CREB5: variants seen among roughly 807,000 people sequenced by gnomAD.
CREB5 encodes the protein cAMP responsive element binding protein 5.
Under a neutral mutation model 57.1 loss-of-function variants are expected in CREB5, and 19 were observed. That is an observed-to-expected ratio of 0.33 (90% CI 0.23 to 0.49). The LOEUF is 0.49. Ranked by LOEUF, CREB5 falls within the 20% of genes least tolerant of loss-of-function variation. The pLI, the probability that CREB5 is intolerant of heterozygous loss-of-function variation, is 0.99. For missense variants in CREB5, 579 were observed against 671.6 expected (o/e 0.86, Z 1.52); for synonymous variants, 238 against 238.3 (o/e 1.00, Z 0.01).
intron 5 of CREB5, among the ~76,000 whole-genome samples, chr7:28,582,522 G>A (rs998273259): frequency 7.2e-5 from 11 of 152,154 alleles, no homozygotes; most frequent in Non-Finnish European, 1.5e-4. Context: ...TCCATGAAAA[G>A]CATTTGATCC....
chr7:28,374,430 A>G (rs1786781246), intron 1 of CREB5, among the ~76,000 whole-genome samples: 1 of 152,234 alleles, frequency 6.6e-6, no homozygotes, highest in African/African-American at 2.4e-5. Context: ...CAAACTGAAA[A>G]CAAACCAAAC....
intron 4 of CREB5, among the ~76,000 whole-genome samples, chr7:28,532,548 G>A (rs1297997134): frequency 6.6e-6 from 1 of 152,222 alleles, no homozygotes; most frequent in East Asian, 1.9e-4. Context: ...GAGGGAAAGA[G>A]TCCCAGACCA....
At chr7:28,737,538 CGTATATATATATATATATAT>C (rs755542768) in intron 7 of CREB5, among the ~76,000 whole-genome samples, 3,426 of 47,870 alleles carry the variant, frequency 0.072, 109 homozygotes, top group Admixed American at 0.099. Flanking sequence ...TATATATATA[CGTATATATATATATATATAT>C]ATATATATAT....
chr7:28,498,061 T>G (rs1465045243), intron 3 of CREB5, among the ~76,000 whole-genome samples: 1 of 152,198 alleles, frequency 6.6e-6, no homozygotes, highest in Non-Finnish European at 1.5e-5. Context: ...TTATGTGATA[T>G]TATAATACTT....
At chr7:28,555,072 T>C (rs889709245) in intron 4 of CREB5, among the ~76,000 whole-genome samples, 4 of 150,558 alleles carry the variant, frequency 2.7e-5, no homozygotes, top group Admixed American at 2.0e-4. Flanking sequence ...CTCAGCACAC[T>C]AGAGGTCTTC....
At chr7:28,388,806 G>T (rs944826815) in intron 1 of CREB5, among the ~76,000 whole-genome samples, 14 of 152,254 alleles carry the variant, frequency 9.2e-5, no homozygotes, top group African/African-American at 3.4e-4. Flanking sequence ...TAACTCTTGA[G>T]GTATCTCTGA....
intron 4 of CREB5, among the ~76,000 whole-genome samples, chr7:28,560,823 CGCGCGCGCGCGTGTGT>C (rs1795080876): frequency 2.9e-5 from 1 of 34,452 alleles, no homozygotes; most frequent in African/African-American, 9.6e-5. Context: ...TGTGTGTGTG[CGCGCGCGCGCGTGTGT>C]GTGTGCGCGT....
At chr7:28,712,972 A>G (rs1315243148) in intron 5 of CREB5, among the ~76,000 whole-genome samples, 1 of 152,232 alleles carries the variant, frequency 6.6e-6, no homozygotes, top group Non-Finnish European at 1.5e-5. Context: ...GACAAAAAAA[A>G]GAAAAAAGTA....
At chr7:28,398,060 T>A (rs911074771) in intron 1 of CREB5, among the ~76,000 whole-genome samples, 3 of 152,206 alleles carry the variant, frequency 2.0e-5, no homozygotes, top group African/African-American at 7.2e-5. Context: ...TATTTTCATA[T>A]TCCCAAAGAG....
At chr7:28,512,018 T>C (rs1173143559) in intron 4 of CREB5, among the ~76,000 whole-genome samples, 1 of 152,170 alleles carries the variant, frequency 6.6e-6, no homozygotes, top group African/African-American at 2.4e-5. Context: ...GATTTGCTGA[T>C]GGTTTAGATT....
intron 1 of CREB5, among the ~76,000 whole-genome samples, chr7:28,367,820 C>A (rs1410783142): frequency 1.2e-4 from 18 of 151,918 alleles, no homozygotes; most frequent in Middle Eastern, 3.4e-3. Flanking sequence ...AACAAACAAA[C>A]AGACAAACAA....
chr7:28,378,406 A>T (rs1004463869), intron 1 of CREB5, among the ~76,000 whole-genome samples: 1 of 152,050 alleles, frequency 6.6e-6, no homozygotes, highest in Non-Finnish European at 1.5e-5. Context: ...ACAAAACTAC[A>T]CGTTGTACAT....
intron 10 of CREB5, chr7:28,818,806 A>G (rs1244482937): frequency 6.0e-6 from 3 of 496,208 alleles, no homozygotes; most frequent in Non-Finnish European, 1.2e-5. Flanking sequence ...ATTTTTCCAC[A>G]TTTGATATAC....
At chr7:28,635,126 A>C (rs1480106648) in intron 5 of CREB5, among the ~76,000 whole-genome samples, 2 of 152,186 alleles carry the variant, frequency 1.3e-5, no homozygotes, top group African/African-American at 4.8e-5. Flanking sequence ...TTAGTAGAGA[A>C]GCTAGGAGGC....
chr7:28,444,385 T>C (rs759657678), intron 1 of CREB5, among the ~76,000 whole-genome samples: 1 of 152,104 alleles, frequency 6.6e-6, no homozygotes, highest in Non-Finnish European at 1.5e-5. Flanking sequence ...TTTCTCAACA[T>C]GGCCCAACTC....
In CREB5 at chr7:28,560,959, T is replaced by TGCGTGTGTGTGTGCGTGTGTGC. The variant is rs1795214944; in HGVS notation, c.292-9404_292-9383dup. 9.3e-5 allele frequency among the ~76,000 whole-genome samples: 3 copies of TGCGTGTGTGTGTGCGTGTGTGC among 32,128 alleles called. 1 individual carries two copies. Among genetic ancestry groups the TGCGTGTGTGTGTGCGTGTGTGC allele is most frequent in the Non-Finnish European group, 1.8e-4 (3 of 16,370 alleles). 21.1% of individuals were successfully genotyped at this position (32,128 alleles called of 152,430 possible). A position where few individuals can be genotyped will look rare whatever the true frequency, so the allele number is the denominator to read the frequency against. Reference sequence around the variant, plus strand: ...GTGCGTGCGTGTGTGTGCGTGTGTGTGCGTGTGTGTGTGCGTGTGTGCGTG... The same window carrying TGCGTGTGTGTGTGCGTGTGTGC: ...GTGCGTGCGTGTGTGTGCGTGTGTGTGCGTGTGTGTGTGCGTGTGTGCGCGTGTGTGTGTGCGTGTGTGCGTG... On this transcript the variant is annotated intron_variant, in intron 4 of 10. Transcript: ENST00000357727.
At chr7:28,636,388 A>G (rs1415154060) in intron 5 of CREB5, among the ~76,000 whole-genome samples, 2 of 152,176 alleles carry the variant, frequency 1.3e-5, no homozygotes, top group African/African-American at 4.8e-5. Context: ...TATCAACACC[A>G]TGGTACTGAT....
chr7:28,685,230 T>C (rs1216032816), intron 5 of CREB5, among the ~76,000 whole-genome samples: 2 of 152,200 alleles, frequency 1.3e-5, no homozygotes, highest in African/African-American at 4.8e-5. Context: ...AAGGTTCACC[T>C]GAGGGTGGAG....
intron 5 of CREB5, among the ~76,000 whole-genome samples, chr7:28,701,089 A>C (rs1399475409): frequency 1.3e-5 from 2 of 152,142 alleles, no homozygotes; most frequent in Admixed American, 6.5e-5. Context: ...TTCGAAACCT[A>C]CTGAAATGTC....
Sources: gnomAD v4.1 joint callset for allele counts (sites outside exome capture counted in the v4.1 genomes callset) on GRCh38, gnomAD v4.1.1 for gene constraint, MANE v1.5 for transcripts, NCBI Gene and HGNC (gene_info 2026-07-23, HGNC 2026-07-21) for gene names.